CTNNA2: variants seen among roughly 807,000 people sequenced by gnomAD.
CTNNA2 encodes the protein catenin alpha 2.
In CTNNA2, 42 loss-of-function variants were observed where a neutral mutation model predicts 101.0. That is an observed-to-expected ratio of 0.42 (90% CI 0.32 to 0.54). CTNNA2 has a LOEUF of 0.54. Ranked by LOEUF, CTNNA2 falls within the 20% of genes least tolerant of loss-of-function variation. CTNNA2 has a pLI of 0.14. For missense variants in CTNNA2, 871 were observed against 1,223.1 expected, an observed-to-expected ratio of 0.71 and a Z score of 4.29; for synonymous variants, 450 against 456.4, an observed-to-expected ratio of 0.99 and a Z score of 0.18.
At chr2:79,576,923 T>TAA (rs1370853553) in intron 1 of CTNNA2, among the ~76,000 whole-genome samples, 2 of 152,280 alleles carry the variant, frequency 1.3e-5, no homozygotes, top group East Asian at 3.9e-4. Flanking sequence ...CAGTTTAACA[T>TAA]AAACACGTTT....
At chr2:79,349,534 C>T (rs1677336983) in intron 3 of CTNNA2, among the ~76,000 whole-genome samples, 1 of 152,098 alleles carries the variant, frequency 6.6e-6, no homozygotes, top group African/African-American at 2.4e-5. Context: ...AGAATATAAG[C>T]TGGTTGAAGA....
intron 7 of CTNNA2, among the ~76,000 whole-genome samples, chr2:80,357,139 T>G (rs1197346296): frequency 1.3e-5 from 2 of 152,182 alleles, no homozygotes; most frequent in African/African-American, 4.8e-5. Flanking sequence ...AACAGTAGTT[T>G]TCTTTAATGA....
intron 7 of CTNNA2, among the ~76,000 whole-genome samples, chr2:80,181,382 G>A (rs966132676): frequency 1.3e-5 from 2 of 152,118 alleles, no homozygotes; most frequent in Admixed American, 1.3e-4. Context: ...GGAGTTCGGT[G>A]CCCACAGCCT....
intron 7 of CTNNA2, among the ~76,000 whole-genome samples, chr2:80,177,677 A>C (rs533163789): frequency 6.6e-6 from 1 of 152,310 alleles, no homozygotes; most frequent in South Asian, 2.1e-4. Context: ...TCCTCTGGCT[A>C]TGGTCACCCT....
In CTNNA2 at chr2:80,302,613, C is replaced by T; in HGVS notation, c.1057-90598C>T. The T allele has an allele frequency of 6.2e-7, 1 of 1,605,592 alleles. No homozygotes were observed. The highest frequency in any genetic ancestry group is 1.1e-5 in the South Asian group (1 of 90,972). On this transcript the variant is annotated intron_variant, in intron 7 of 18. Coordinates refer to ENST00000402739, the MANE Select transcript of CTNNA2 (RefSeq NM_001282597.3). The surrounding 1 kb of genome is among the most constrained non-coding windows in gnomAD (Gnocchi z 6.4). Reference sequence around the variant, plus strand: ...ACGGTGGCAGGCTCGAATGTGCCGTCGTGCTGCCCCTCCCCGCCGTCCGCG... The same window carrying T: ...ACGGTGGCAGGCTCGAATGTGCCGTTGTGCTGCCCCTCCCCGCCGTCCGCG...
intron 15 of CTNNA2, among the ~76,000 whole-genome samples, chr2:80,597,024 T>C (rs1326548940): frequency 6.6e-6 from 1 of 152,226 alleles, no homozygotes; most frequent in Non-Finnish European, 1.5e-5. Context: ...GATTTGCCTG[T>C]GTTGAACCAA....
At position 80,236,596 on chromosome 2, in the gene CTNNA2, G is replaced by A. The variant is rs1037779644; in HGVS notation, c.1057-156615G>A. Among the ~76,000 whole-genome samples, 4 of 152,192 alleles carry A rather than the reference G, an allele frequency of 2.6e-5. 1 individual carries two copies. Among genetic ancestry groups the A allele is most frequent in the East Asian group, 3.9e-4 (2 of 5,190 alleles). ...GGATACTGGGAAATGTAATCTACTAGTGTGTGCAGGAGGAAAGGAAAATGG... is the reference window on the plus strand; with the variant it reads ...GGATACTGGGAAATGTAATCTACTAATGTGTGCAGGAGGAAAGGAAAATGG... On this transcript the variant is annotated intron_variant, in intron 7 of 18. Coordinates refer to ENST00000402739, the MANE Select transcript of CTNNA2 (RefSeq NM_001282597.3).
At chr2:80,097,808 G>A (rs1020942621) in intron 7 of CTNNA2, among the ~76,000 whole-genome samples, 1 of 152,104 alleles carries the variant, frequency 6.6e-6, no homozygotes, top group African/African-American at 2.4e-5. Context: ...TGCCTACTGA[G>A]GCTTATGCAT....
At chr2:80,010,372 T>C (rs1175457823) in intron 7 of CTNNA2, among the ~76,000 whole-genome samples, 2 of 152,104 alleles carry the variant, frequency 1.3e-5, no homozygotes, top group African/African-American at 4.8e-5. Flanking sequence ...CAGGCTGGAG[T>C]ACAGTGGTGT....
chr2:79,305,758 G>A (rs1676225151), intron 2 of CTNNA2, among the ~76,000 whole-genome samples: 1 of 151,942 alleles, frequency 6.6e-6, no homozygotes, highest in Admixed American at 6.6e-5. Flanking sequence ...AAGAAACAAG[G>A]CACTTGGCCG....
At chr2:80,393,119 T>A in intron 7 of CTNNA2, 92 bp from the exon 8 acceptor site, 1 of 935,352 alleles carries the variant, frequency 1.1e-6, no homozygotes, top group South Asian at 1.8e-5. Context: ...TTGTTTGAAT[T>A]TAACTTCTCA....
intron 3 of CTNNA2, among the ~76,000 whole-genome samples, chr2:79,757,714 G>A (rs949344878): frequency 1.2e-4 from 19 of 152,096 alleles, no homozygotes; most frequent in African/African-American, 4.1e-4. Flanking sequence ...GGTGGGGCTT[G>A]CTTTGCAGTA....
At chr2:80,535,529 C>A (rs1690933607) in intron 9 of CTNNA2, among the ~76,000 whole-genome samples, 1 of 152,126 alleles carries the variant, frequency 6.6e-6, no homozygotes, top group Non-Finnish European at 1.5e-5. Flanking sequence ...TCTCACCCAG[C>A]TGGTGAGAAT....
At chr2:79,285,214 T>G (rs1487794614) in intron 2 of CTNNA2, among the ~76,000 whole-genome samples, 1 of 151,008 alleles carries the variant, frequency 6.6e-6, no homozygotes, top group Non-Finnish European at 1.5e-5. Context: ...GCTCCTGGAT[T>G]CATTAATTTT....
intron 7 of CTNNA2, among the ~76,000 whole-genome samples, chr2:80,267,136 C>T (rs1673062883): frequency 6.6e-6 from 1 of 152,166 alleles, no homozygotes; most frequent in Non-Finnish European, 1.5e-5. Context: ...TAGGCTTTCA[C>T]TCACATTCAT....
chr2:79,468,199 G>A (rs1244040072), intron 4 of CTNNA2, among the ~76,000 whole-genome samples: 3 of 151,890 alleles, frequency 2.0e-5, no homozygotes, highest in Non-Finnish European at 2.9e-5. Flanking sequence ...CCGAGCAAAT[G>A]GAGAATAAAA....
intron 7 of CTNNA2, among the ~76,000 whole-genome samples, chr2:80,156,505 G>A (rs571103359): frequency 1.1e-4 from 16 of 152,300 alleles, no homozygotes; most frequent in African/African-American, 3.6e-4. Context: ...CTGTGCCTGG[G>A]CAGGTGCTCC....
At chr2:80,385,214 C>A (rs1559065314) in intron 7 of CTNNA2, among the ~76,000 whole-genome samples, 1 of 152,096 alleles carries the variant, frequency 6.6e-6, no homozygotes, top group Non-Finnish European at 1.5e-5. Flanking sequence ...GAGGTGGAGG[C>A]CTTTGATAAG....
chr2:80,300,277 TTGGGGTGTG>T (rs1251767865), intron 7 of CTNNA2, among the ~76,000 whole-genome samples: 15 of 104,440 alleles, frequency 1.4e-4, no homozygotes, highest in Admixed American at 1.4e-3. Flanking sequence ...AGCTGGGGTG[TTGGGGTGTG>T]TGTGTGTGTG....
Sources: gnomAD v4.1 joint callset for allele counts (sites outside exome capture counted in the v4.1 genomes callset) on GRCh38, gnomAD v4.1.1 for gene constraint, Gnocchi (gnomAD v3.1) non-coding constraint, MANE v1.5 for transcripts, NCBI Gene and HGNC (gene_info 2026-07-23, HGNC 2026-07-21) for gene names.